The following ZNF536 variants were observed in gnomAD, a reference collection of about 807,000 sequenced individuals.
ZNF536 encodes zinc finger protein 536.
A neutral mutation model predicts 84.5 loss-of-function variants in ZNF536; 13 were observed. That is an observed-to-expected ratio of 0.15 (90% CI 0.10 to 0.24). ZNF536 has a LOEUF of 0.24. Among genes scored for constraint, ZNF536 ranks in the 10% least tolerant of loss-of-function variants. The pLI, the probability that ZNF536 is intolerant of heterozygous loss-of-function variation, is 1.00. For missense variants in ZNF536, 1,536 were observed against 1,747.5 expected, an observed-to-expected ratio of 0.88 and a Z score of 2.16; for synonymous variants, 811 against 742.5, an observed-to-expected ratio of 1.09 and a Z score of -1.50.
intron 1 of ZNF536, among the ~76,000 whole-genome samples, chr19:30,277,653 ACACATACATG>A (rs1173426732): frequency 6.6e-6 from 1 of 152,250 alleles, no homozygotes; most frequent in Non-Finnish European, 1.5e-5. Flanking sequence ...TCACACGTGC[ACACATACATG>A]CACATACCCA....
At chr19:30,260,058 C>A (rs1049770376) in intron 1 of ZNF536, among the ~76,000 whole-genome samples, 1 of 152,286 alleles carries the variant, frequency 6.6e-6, no homozygotes, top group South Asian at 2.1e-4. Context: ...AGCCACCATG[C>A]CCAGCTATTG....
At chr19:30,472,409 C>T (rs2053674978) in intron 2 of ZNF536, among the ~76,000 whole-genome samples, 1 of 152,136 alleles carries the variant, frequency 6.6e-6, no homozygotes, top group Non-Finnish European at 1.5e-5. Context: ...CTCACTGCGA[C>T]GGCTGCCTGG....
chr19:30,634,313 G>T (rs2048989280), intron 1 of ZNF536, among the ~76,000 whole-genome samples: 1 of 152,150 alleles, frequency 6.6e-6, no homozygotes, highest in East Asian at 1.9e-4. Context: ...GTGATATATT[G>T]TATCAACAAT....
chr19:30,649,666 G>A (rs1600146874), intron 1 of ZNF536, among the ~76,000 whole-genome samples: 2 of 151,766 alleles, frequency 1.3e-5, no homozygotes, highest in East Asian at 3.9e-4. Flanking sequence ...CCCCTTTGGG[G>A]TCACAGGAAA....
At chr19:30,238,577 A>G (rs996852691) in intron 1 of ZNF536, among the ~76,000 whole-genome samples, 1 of 152,054 alleles carries the variant, frequency 6.6e-6, no homozygotes, top group Non-Finnish European at 1.5e-5. Flanking sequence ...TAAAGATCAC[A>G]AGGAGGTCCC....
intron 2 of ZNF536, among the ~76,000 whole-genome samples, chr19:30,458,452 T>TTTTTTG: frequency 7.1e-6 from 1 of 141,016 alleles, no homozygotes; most frequent in Non-Finnish European, 1.5e-5. Flanking sequence ...CTGCTGTTTT[T>TTTTTTG]TTTTTTTTTT....
chr19:30,510,201 G>A (rs2055352635), intron 2 of ZNF536, among the ~76,000 whole-genome samples: 1 of 152,176 alleles, frequency 6.6e-6, no homozygotes, highest in Non-Finnish European at 1.5e-5. Context: ...GCAGCCAGGT[G>A]CTTGTTTGTT....
At chr19:30,593,769 A>C (rs1172678740) in intron 1 of ZNF536, among the ~76,000 whole-genome samples, 2 of 152,228 alleles carry the variant, frequency 1.3e-5, no homozygotes, top group African/African-American at 2.4e-5. Flanking sequence ...CAACTGACAG[A>C]GACCTCCAAG....
At chr19:30,553,947 C>T (rs1032204816) in intron 4 of ZNF536, 1 of 152,138 alleles carries the variant, frequency 6.6e-6, no homozygotes, top group Non-Finnish European at 1.5e-5. Flanking sequence ...GAATGCAAGC[C>T]CATTAACAGC....
chr19:30,302,996 A>C (rs1165224409), intron 2 of ZNF536, among the ~76,000 whole-genome samples: 1 of 152,200 alleles, frequency 6.6e-6, no homozygotes, highest in Non-Finnish European at 1.5e-5. Flanking sequence ...TTTTCCTGAC[A>C]TTGGGAGCTA....
chr19:30,352,045 C>T (rs1233253772), intron 2 of ZNF536, among the ~76,000 whole-genome samples: 1 of 152,238 alleles, frequency 6.6e-6, no homozygotes, highest in Non-Finnish European at 1.5e-5. Flanking sequence ...CTCCTCTCCT[C>T]TTTGCCCTGA....
intron 3 of ZNF536, 55 bp from the exon 4 acceptor site, chr19:30,547,888 A>C: frequency 1.3e-6 from 2 of 1,507,160 alleles, no homozygotes; most frequent in Non-Finnish European, 1.8e-6. Flanking sequence ...AGCCTCGTTC[A>C]GCACACCAAA....
At chr19:30,464,354 A>G (rs1279560511) in intron 2 of ZNF536, among the ~76,000 whole-genome samples, 1 of 152,168 alleles carries the variant, frequency 6.6e-6, no homozygotes, top group African/African-American at 2.4e-5. Flanking sequence ...TGGGGACCAG[A>G]CGGCGCTGGG....
At chr19:30,597,358 C>T (rs537708561) in intron 1 of ZNF536, among the ~76,000 whole-genome samples, 12 of 152,316 alleles carry the variant, frequency 7.9e-5, no homozygotes, top group African/African-American at 2.9e-4. Context: ...TGGCCTGACC[C>T]GGGCCATCAT....
chr19:30,620,985 G>A lies in ZNF536; in HGVS notation c.169+71471G>A, dbSNP rs1010415133. 8.5e-5 allele frequency among the ~76,000 whole-genome samples: 13 copies of A among 152,178 alleles called. No individual in the cohort carries two copies. In the East Asian group the frequency reaches 2.1e-3, roughly 25 times the overall value. On this transcript the variant is annotated intron_variant, in intron 1 of 1. Transcript: ENST00000592773. Reference sequence around the variant, plus strand: ...TTTTAGAAGTGCTGAACAAAAGGAAGGGGCTTCTAATCAAGAGTATTCTTT... The same window carrying A: ...TTTTAGAAGTGCTGAACAAAAGGAAAGGGCTTCTAATCAAGAGTATTCTTT...
chr19:30,499,945 TG>T (rs2054882280), intron 2 of ZNF536, among the ~76,000 whole-genome samples: 1 of 152,142 alleles, frequency 6.6e-6, no homozygotes, highest in East Asian at 1.9e-4. Flanking sequence ...CAAGTCTAAG[TG>T]TGTGGCCCCA....
chr19:30,250,847 GT>G (rs10712065), intron 1 of ZNF536, among the ~76,000 whole-genome samples: 32,669 of 142,942 alleles, frequency 0.23, 4,176 homozygotes, highest in East Asian at 0.5. Flanking sequence ...TGCCTGTTGG[GT>G]TTTTTTTTTT....
chr19:30,628,656 C>T (rs929504952), intron 1 of ZNF536, among the ~76,000 whole-genome samples: 4 of 151,936 alleles, frequency 2.6e-5, no homozygotes, highest in African/African-American at 9.7e-5. Flanking sequence ...GTCTCGATCT[C>T]CTGACCTCGT....
At chr19:30,670,293 G>C (rs1221308651) in intron 1 of ZNF536, among the ~76,000 whole-genome samples, 1 of 152,200 alleles carries the variant, frequency 6.6e-6, no homozygotes, top group Non-Finnish European at 1.5e-5. Flanking sequence ...ACTGGGATCA[G>C]CATGCCTGAG....
Sources: gnomAD v4.1 joint callset for allele counts (sites outside exome capture counted in the v4.1 genomes callset) on GRCh38, gnomAD v4.1.1 for gene constraint, MANE v1.5 for transcripts, NCBI Gene and HGNC (gene_info 2026-07-23, HGNC 2026-07-21) for gene names.